C8A: variants seen among roughly 807,000 people sequenced by gnomAD.
C8A encodes the protein complement C8 alpha chain, also known as complement component C8 alpha chain.
Under a neutral mutation model 65.3 loss-of-function variants are expected in C8A, and 67 were observed. The ratio of observed to expected loss-of-function variants is 1.03; its 90% CI spans 0.84 to 1.26. The LOEUF is 1.26. Among genes scored for constraint, C8A ranks in the 50% most tolerant of loss-of-function variants. The pLI, the probability that C8A is intolerant of heterozygous loss-of-function variation, is 0.00. For missense variants in C8A, 781 were observed against 723.9 expected (o/e 1.08, Z -0.90); for synonymous variants, 290 against 259.4 (o/e 1.12, Z -1.13).
chr1:56,867,857 C>T (rs773692032), intron 2 of C8A, among the ~76,000 whole-genome samples, 155 bp downstream of exon 2: 1 of 152,074 alleles, frequency 6.6e-6, no homozygotes, highest in Non-Finnish European at 1.5e-5. Context: ...GATGGTGAAA[C>T]TTGTTTCCGT....
rs530894375 is a variant in C8A, at chr1:56,882,414, A to G, written c.654+780A>G. ...CATTGCCTCATTTTAGATATTAAGAAAAAGAAACACAAAGGGTTAAAGTGT... is the reference window on the plus strand; with the variant it reads ...CATTGCCTCATTTTAGATATTAAGAGAAAGAAACACAAAGGGTTAAAGTGT... On this transcript the variant is annotated intron_variant, in intron 5 of 10. Coordinates refer to ENST00000361249, the MANE Select transcript of C8A (RefSeq NM_000562.3). Among the ~76,000 whole-genome samples the G allele has an allele frequency of 7.2e-5, 11 of 152,312 alleles. No homozygotes were observed. The East Asian group carries it at 2.1e-3, about 29-fold the overall frequency.
intron 9 of C8A, among the ~76,000 whole-genome samples, chr1:56,909,851 C>T (rs963898882): frequency 6.6e-5 from 10 of 152,164 alleles, no homozygotes; most frequent in African/African-American, 1.7e-4. Flanking sequence ...GTTGAAGAAA[C>T]AGGTTCAGCA....
chr1:56,875,270 A>G (rs977299006), intron 3 of C8A, among the ~76,000 whole-genome samples, 177 bp downstream of exon 3: 3 of 152,160 alleles, frequency 2.0e-5, no homozygotes, highest in Non-Finnish European at 2.9e-5. Flanking sequence ...CAGCCCAAGT[A>G]ATTTTGATTC....
At chr1:56,876,462 C>T (rs1319717600) in intron 4 of C8A, among the ~76,000 whole-genome samples, 2 of 151,824 alleles carry the variant, frequency 1.3e-5, no homozygotes, top group African/African-American at 4.8e-5. Context: ...TCTCCCTTCA[C>T]CCCAGTGCCA....
intron 9 of C8A, among the ~76,000 whole-genome samples, chr1:56,910,138 A>T (rs2101305119): frequency 6.6e-6 from 1 of 152,336 alleles, no homozygotes; most frequent in Non-Finnish European, 1.5e-5. Flanking sequence ...TCAGAGTGGA[A>T]ACAGCATGTT....
At chr1:56,864,741 A>G (rs1335892777) in intron 1 of C8A, among the ~76,000 whole-genome samples, 1 of 152,154 alleles carries the variant, frequency 6.6e-6, no homozygotes, top group Non-Finnish European at 1.5e-5. Context: ...TTTTCTTTGA[A>G]GGGATGGGAG....
intron 4 of C8A, among the ~76,000 whole-genome samples, chr1:56,879,471 C>T (rs1032494766): frequency 2.6e-5 from 4 of 152,060 alleles, no homozygotes; most frequent in African/African-American, 9.7e-5. Context: ...TAGGGATTAC[C>T]GTTTCTTTGA....
chr1:56,915,522 G>T (rs1264125082), intron 10 of C8A, among the ~76,000 whole-genome samples: 2 of 152,212 alleles, frequency 1.3e-5, no homozygotes, highest in Admixed American at 6.5e-5. Context: ...GGACTGGGTT[G>T]TAGCCGCCAT....
At chr1:56,896,474 C>G (rs928346817) in intron 7 of C8A, among the ~76,000 whole-genome samples, 2 of 152,120 alleles carry the variant, frequency 1.3e-5, no homozygotes, top group Non-Finnish European at 2.9e-5. Flanking sequence ...GAAATGAAAG[C>G]CAATGTTCCA....
intron 1 of C8A, among the ~76,000 whole-genome samples, chr1:56,856,083 C>A (rs577087596): frequency 1.2e-3 from 183 of 151,984 alleles, no homozygotes; most frequent in Admixed American, 2.2e-3. Context: ...CAAGACAGAC[C>A]AGTGAAGGGG....
Position 56,884,950 on chromosome 1 carries a change from T to C in C8A, c.856-977T>C, listed in dbSNP as rs192414736. On this transcript the variant is annotated intron_variant, in intron 6 of 10. Transcript: ENST00000361249. ...ATTGAATGACATTTCAGCATGTCAC[T>C]AAAGATATCTTAAACACAGTTTTTA... 2.3e-3 allele frequency among the ~76,000 whole-genome samples: 356 copies of C among 152,280 alleles called. 1 individual carries two copies. Among genetic ancestry groups the C allele is most frequent in the African/African-American group, 7.8e-3 (325 of 41,562 alleles).
chr1:56,911,281 T>C (rs749456734), intron 9 of C8A, among the ~76,000 whole-genome samples: 3 of 152,166 alleles, frequency 2.0e-5, no homozygotes, highest in Non-Finnish European at 4.4e-5. Flanking sequence ...GAGTCACATT[T>C]ACTTAGTTTT....
chr1:56,906,087 G>A (rs985140230), intron 7 of C8A, among the ~76,000 whole-genome samples: 1 of 152,156 alleles, frequency 6.6e-6, no homozygotes, highest in Non-Finnish European at 1.5e-5. Flanking sequence ...CAAGACTTTG[G>A]CCTCTCTGGG....
At chr1:56,916,011 AC>A (rs1164576385) in intron 10 of C8A, among the ~76,000 whole-genome samples, 1 of 152,130 alleles carries the variant, frequency 6.6e-6, no homozygotes, top group Non-Finnish European at 1.5e-5. Flanking sequence ...AGAACCAGTG[AC>A]TTGCTAGGAT....
At chr1:56,861,307 G>A (rs1557695615) in intron 1 of C8A, among the ~76,000 whole-genome samples, 2 of 152,140 alleles carry the variant, frequency 1.3e-5, no homozygotes, top group African/African-American at 4.8e-5. Context: ...GGAACATCCT[G>A]GTGAGTACTT....
chr1:56,898,719 G>A (rs1379958386), intron 7 of C8A, among the ~76,000 whole-genome samples: 1 of 152,058 alleles, frequency 6.6e-6, no homozygotes, highest in Non-Finnish European at 1.5e-5. Flanking sequence ...TGTTAATGTT[G>A]CATCCCAGAG....
At position 56,912,560 on chromosome 1, in the gene C8A, C is replaced by T. The variant is rs1360803493; in HGVS notation, c.1538C>T (p.Thr513Ile). Residue 513 changes from threonine (T) to isoleucine (I), a missense_variant, in exon 10 of 11, where the codon ACC (threonine) becomes ATC (isoleucine). Physicochemically the swap from Thr to Ile is moderately conservative, Grantham distance 89 (BLOSUM62 -1). Transcript: ENST00000361249. ...FNNGVPILEG[T>I]SCRCQCRLGS... ...AATGGGGTGCCCATCCTCGAGGGCACCAGCTGCAGGTGCCAGTGCCGCCTG... is the reference window on the plus strand; with the variant it reads ...AATGGGGTGCCCATCCTCGAGGGCATCAGCTGCAGGTGCCAGTGCCGCCTG... The T allele has an allele frequency of 1.2e-6, 2 of 1,614,210 alleles. No homozygotes were observed.
At chr1:56,906,499 G>A (rs1186378257) in intron 7 of C8A, among the ~76,000 whole-genome samples, 168 bp from the exon 8 acceptor site, 1 of 152,150 alleles carries the variant, frequency 6.6e-6, no homozygotes, top group Non-Finnish European at 1.5e-5. Flanking sequence ...ATTTTGGTTG[G>A]AACCATGCAG....
intron 7 of C8A, 123 bp downstream of exon 7, chr1:56,886,290 T>C: frequency 9.0e-7 from 1 of 1,108,164 alleles, no homozygotes. Context: ...GACAACTCTA[T>C]AGGATAGCAT....
Sources: gnomAD v4.1 joint callset for allele counts (sites outside exome capture counted in the v4.1 genomes callset) on GRCh38, gnomAD v4.1.1 for gene constraint, MANE v1.5 for transcripts, NCBI Gene and HGNC (gene_info 2026-07-23, HGNC 2026-07-21) for gene names.